PDE4B: variants seen among roughly 807,000 people sequenced by gnomAD.
The protein encoded by PDE4B is 3',5'-cyclic-AMP phosphodiesterase 4B.
Under a neutral mutation model 82.2 loss-of-function variants are expected in PDE4B, and 20 were observed. The observed-to-expected ratio is 0.24, with a 90% CI of 0.17 to 0.35. The LOEUF is 0.35. PDE4B is among the 10% of genes least tolerant of loss of function. PDE4B has a pLI of 1.00. For synonymous variants in PDE4B, 320 were observed against 318.9 expected (o/e 1.00, Z -0.04); for missense variants, 655 against 907.2 (o/e 0.72, Z 3.57).
chr1:66,204,769 G>C (rs754879941), intron 3 of PDE4B, among the ~76,000 whole-genome samples: 1 of 152,196 alleles, frequency 6.6e-6, no homozygotes, highest in Non-Finnish European at 1.5e-5. Context: ...GACTAGGAAA[G>C]GGAACTCCCT....
intron 3 of PDE4B, among the ~76,000 whole-genome samples, chr1:65,961,926 G>A (rs139590718): frequency 2.6e-5 from 4 of 152,288 alleles, no homozygotes; most frequent in African/African-American, 7.2e-5. Flanking sequence ...AAGTGCGGCT[G>A]AAGAGTCTGT....
intron 7 of PDE4B, among the ~76,000 whole-genome samples, chr1:66,309,037 C>T (rs1158224075): frequency 6.6e-6 from 1 of 152,102 alleles, no homozygotes; most frequent in Non-Finnish European, 1.5e-5. Context: ...AATGCACTGA[C>T]ATTTTGAAAC....
intron 1 of PDE4B, among the ~76,000 whole-genome samples, chr1:65,794,607 C>A (rs1645610819): frequency 6.6e-6 from 1 of 152,094 alleles, no homozygotes; most frequent in Admixed American, 6.5e-5. Context: ...GAGAGAAATC[C>A]CCTTAATGTC....
intron 7 of PDE4B, among the ~76,000 whole-genome samples, chr1:66,319,030 T>C (rs766231946): frequency 1.3e-5 from 2 of 152,244 alleles, no homozygotes; most frequent in African/African-American, 2.4e-5. Flanking sequence ...ATCAGTAAAC[T>C]TGAAAGCGCA....
At chr1:66,101,196 G>T (rs1645216766) in intron 3 of PDE4B, among the ~76,000 whole-genome samples, 1 of 152,124 alleles carries the variant, frequency 6.6e-6, no homozygotes, top group Non-Finnish European at 1.5e-5. Context: ...ATTCCATGGT[G>T]TATATGTGCC....
intron 7 of PDE4B, among the ~76,000 whole-genome samples, chr1:66,267,917 G>A (rs900008310): frequency 7.9e-5 from 12 of 152,172 alleles, no homozygotes; most frequent in Non-Finnish European, 1.6e-4. Context: ...TGACAAAGAG[G>A]TGTGTTTAAA....
At chr1:65,873,609 A>G (rs1302653795) in intron 1 of PDE4B, among the ~76,000 whole-genome samples, 1 of 152,232 alleles carries the variant, frequency 6.6e-6, no homozygotes, top group Non-Finnish European at 1.5e-5. Flanking sequence ...TCTTTGAAAT[A>G]TAAAAAAGAC....
rs76694740 is a variant in PDE4B, at chr1:65,914,473, T to C, written c.42+1117T>C. ...GCATTTACTTCTTCTTCTTCTTCTT[T>C]TTTTTTTTTCTTTCTTCCTCTCTCC... On this transcript the variant is annotated intron_variant, in intron 2 of 16. Transcript: ENST00000341517. 6.3e-5 allele frequency among the ~76,000 whole-genome samples: 6 copies of C among 95,748 alleles called. No individual in the cohort carries two copies. The East Asian group carries it at 7.0e-4, about 11-fold the overall frequency. The allele number at this position is 95,748 out of a possible 152,430, so 62.8% of individuals were successfully genotyped here. A position where few individuals can be genotyped will look rare whatever the true frequency, so the allele number is the denominator to read the frequency against.
intron 3 of PDE4B, among the ~76,000 whole-genome samples, chr1:66,168,695 G>A (rs1557606577): frequency 6.6e-6 from 1 of 152,190 alleles, no homozygotes; most frequent in Non-Finnish European, 1.5e-5. Flanking sequence ...GCTGGTTAAC[G>A]ATGTGTGACC....
At chr1:66,241,897 A>G (rs969572926) in intron 3 of PDE4B, among the ~76,000 whole-genome samples, 1 of 152,154 alleles carries the variant, frequency 6.6e-6, no homozygotes, top group African/African-American at 2.4e-5. Context: ...TTTTAATCCA[A>G]ATGAAACTGG....
intron 3 of PDE4B, among the ~76,000 whole-genome samples, chr1:65,921,307 C>T (rs1349127690): frequency 6.6e-6 from 1 of 152,074 alleles, no homozygotes; most frequent in East Asian, 1.9e-4. Flanking sequence ...ATCCAGCTTC[C>T]ACTGGAATAC....
At chr1:66,330,990 C>T (rs933248954) in intron 7 of PDE4B, among the ~76,000 whole-genome samples, 1 of 152,036 alleles carries the variant, frequency 6.6e-6, no homozygotes, top group Admixed American at 6.6e-5. Context: ...TTGAATTTAA[C>T]CCCTGTTTAT....
chr1:66,105,179 C>T (rs1184647911), intron 3 of PDE4B, among the ~76,000 whole-genome samples: 1 of 149,576 alleles, frequency 6.7e-6, no homozygotes, highest in Non-Finnish European at 1.5e-5. Flanking sequence ...TTTCCCAGCA[C>T]CATTTATTAA....
chr1:66,103,349 C>CA (rs1342693869), intron 3 of PDE4B, among the ~76,000 whole-genome samples: 1 of 152,082 alleles, frequency 6.6e-6, no homozygotes, highest in Admixed American at 6.6e-5. Context: ...TGGAACTTTA[C>CA]AATATTTGTC....
rs182069559 is a variant in PDE4B at position 65,962,723 on chromosome 1, T to G, written c.281+43888T>G. On this transcript the variant is annotated intron_variant, in intron 3 of 16. Coordinates refer to ENST00000341517, the MANE Select transcript of PDE4B (RefSeq NM_002600.4). ...GAGAGAAATGGAGAGCAGCAGATCCTCAGTTTCTGTTGCATTTCCAGTTCT... is the reference window on the plus strand; with the variant it reads ...GAGAGAAATGGAGAGCAGCAGATCCGCAGTTTCTGTTGCATTTCCAGTTCT... 4.5e-3 allele frequency among the ~76,000 whole-genome samples: 686 copies of G among 152,252 alleles called. 8 individuals carry two copies. Among genetic ancestry groups the G allele is most frequent in the Non-Finnish European group, 3.9e-3 (262 of 67,992 alleles).
Position 65,913,332 on chromosome 1 carries a change from T to A in PDE4B, c.18T>A (p.Ser6Arg), listed in dbSNP as rs745869774. The A allele has an allele frequency of 1.2e-5, 19 of 1,613,254 alleles. No individual in the cohort carries two copies. The highest frequency in any genetic ancestry group is 1.5e-5 in the Non-Finnish European group (18 of 1,179,596). Residue 6 changes from serine (S) to arginine (R), a missense_variant, in exon 2 of 17, where the codon AGT (serine) becomes AGA (arginine). By Grantham distance (110) the Ser-to-Arg change is moderately radical (BLOSUM62 -1). This residue lies in a region of PDE4B where 253 missense variants were observed against 275.6 expected (regional missense o/e 0.92). Transcript: ENST00000341517. Reference protein sequence around the residue: MKKSRSVMTVMADDNV... With the variant: MKKSRRVMTVMADDNV... Reference sequence around the variant, plus strand: ...CCTCTATAATGAAGAAAAGCAGGAGTGTGATGACGGTGATGGCTGATGATG... The same window carrying A: ...CCTCTATAATGAAGAAAAGCAGGAGAGTGATGACGGTGATGGCTGATGATG...
chr1:65,872,189 T>C (rs1429584029), intron 1 of PDE4B, among the ~76,000 whole-genome samples: 1 of 152,200 alleles, frequency 6.6e-6, no homozygotes, highest in Non-Finnish European at 1.5e-5. Flanking sequence ...ATGTGAAGTT[T>C]TAAAAATTTT....
chr1:66,226,556 G>A (rs767949840), intron 3 of PDE4B, among the ~76,000 whole-genome samples: 3 of 152,190 alleles, frequency 2.0e-5, no homozygotes, highest in Non-Finnish European at 4.4e-5. Flanking sequence ...GAAGAATCAG[G>A]GAGAGGATGC....
rs375657504 is a variant in PDE4B at position 65,811,769 on chromosome 1, A to G, written c.-71+18521A>G. Among the ~76,000 whole-genome samples the G allele has an allele frequency of 5.2e-4, 79 of 152,264 alleles. 3 individuals are homozygous for G. The South Asian group carries it at 0.01, about 20-fold the overall frequency. On this transcript the variant is annotated intron_variant, in intron 1 of 16. Coordinates refer to ENST00000341517, the MANE Select transcript of PDE4B (RefSeq NM_002600.4). ...AATAATATTAATATTAATGATAGTA[A>G]GGTGGCTTGGATTTTCTCTTTATAT... is the stretch of plus-strand genomic sequence containing the variant.
Sources: gnomAD v4.1 joint callset for allele counts (sites outside exome capture counted in the v4.1 genomes callset) on GRCh38, gnomAD v4.1.1 for gene constraint, gnomAD v4.1.1 regional missense constraint, MANE v1.5 for transcripts, NCBI Gene and HGNC (gene_info 2026-07-23, HGNC 2026-07-21) for gene names.